The following FAM13B variants were observed in gnomAD, a reference collection of about 807,000 sequenced individuals.
The protein encoded by FAM13B is family with sequence similarity 13 member B, also known as protein FAM13B.
Under a neutral mutation model 117.3 loss-of-function variants are expected in FAM13B, and 60 were observed. That is an observed-to-expected ratio of 0.51 (90% CI 0.42 to 0.63). The LOEUF (loss-of-function observed/expected upper bound fraction) is 0.63, where lower values mean the gene tolerates loss of function less well. FAM13B is among the 30% of genes least tolerant of loss of function. FAM13B has a pLI of 0.00. For missense variants in FAM13B, 972 were observed against 1,091.9 expected (o/e 0.89, Z 1.55); for synonymous variants, 332 against 356.1 (o/e 0.93, Z 0.76).
chr5:137,944,248 C>A (rs1762769005), intron 20 of FAM13B, among the ~76,000 whole-genome samples: 1 of 152,096 alleles, frequency 6.6e-6, no homozygotes, highest in African/African-American at 2.4e-5. Flanking sequence ...GTTACCACAT[C>A]TTATTTACTC....
chr5:138,028,504 G>A (rs1389237319), intron 1 of FAM13B, among the ~76,000 whole-genome samples: 1 of 151,854 alleles, frequency 6.6e-6, no homozygotes, highest in African/African-American at 2.4e-5. Context: ...GAAAAAAAAA[G>A]GGAAGCTGGT....
Position 138,032,768 on chromosome 5 carries a change from GC to G in FAM13B, c.-203+13del. ...CGCGCATGCGCAGATCCGGGTACCC[GC>G]CCGTTTACCTACCGTTGGAACCGCG... On this transcript the variant is annotated intron_variant, in intron 1 of 23. Transcript: ENST00000689681. 1.0e-6 allele frequency: 1 copy of G among 985,668 alleles called. No individual in the cohort carries two copies. The highest frequency in any genetic ancestry group is 1.2e-6 in the Non-Finnish European group (1 of 829,976). The allele number at this position is 985,668 out of a possible 1,614,324, so 61.1% of individuals were successfully genotyped here.
In FAM13B at chr5:137,998,168, T is replaced by A. The variant is rs750052797; in HGVS notation, c.848+8822A>T. On this transcript the variant is annotated intron_variant, in intron 7 of 23. Coordinates refer to ENST00000689681, the MANE Select transcript of FAM13B (RefSeq NM_001385994.1). ...TTTTGACTGCTGCCTGATTCATGAA[T>A]CCTTTAATGCTCAAATAAACTTAAA... is the stretch of plus-strand genomic sequence containing the variant. Among the ~76,000 whole-genome samples, 4 of 152,240 alleles carry A rather than the reference T, an allele frequency of 2.6e-5. No individual in the cohort carries two copies. The South Asian group carries it at 8.3e-4, about 31-fold the overall frequency.
rs150756006 is a variant in FAM13B at position 138,049,962 on chromosome 5, C to A, written c.-203+1916G>T. ...GCAACAAAGTGAGCCCTTTTCTCTA[C>A]AAAATAAAATAAAATAAATTTAAAC... On this transcript the variant is annotated intron_variant, in intron 1 of 3. Coordinates refer to the FAM13B transcript ENST00000502471. Among the ~76,000 whole-genome samples the A allele has an allele frequency of 1.6e-3, 245 of 152,068 alleles. 1 individual carries two copies. The highest frequency in any genetic ancestry group is 3.1e-3 in the Non-Finnish European group (209 of 67,994).
chr5:137,995,152 G>A (rs537441164), intron 7 of FAM13B, among the ~76,000 whole-genome samples: 72 of 152,298 alleles, frequency 4.7e-4, no homozygotes, highest in African/African-American at 1.5e-3. Context: ...TTAGTGCTGA[G>A]TCCTACACAC....
In FAM13B at chr5:138,011,373, C is replaced by T. The variant is rs565186252; in HGVS notation, c.549-224G>A. Among the ~76,000 whole-genome samples the T allele has an allele frequency of 4.6e-5, 7 of 152,046 alleles. No individual in the cohort carries two copies. In the South Asian group the frequency reaches 1.5e-3, roughly 32 times the overall value. On this transcript the variant is annotated intron_variant, in intron 5 of 23. Coordinates refer to ENST00000689681, the MANE Select transcript of FAM13B (RefSeq NM_001385994.1). ...AAATAATTGTTCATCAAGCAACCTG[C>T]GATCCTTGGGAGACAATATAATGAT...
At chr5:137,990,790 A>G (rs935243126) in intron 7 of FAM13B, among the ~76,000 whole-genome samples, 1 of 151,818 alleles carries the variant, frequency 6.6e-6, no homozygotes, top group Non-Finnish European at 1.5e-5. Flanking sequence ...CCCCCATCTC[A>G]AAAAAAATAA....
chr5:138,031,965 T>C (rs1790180939), intron 1 of FAM13B, among the ~76,000 whole-genome samples: 2 of 152,246 alleles, frequency 1.3e-5, no homozygotes, highest in Non-Finnish European at 2.9e-5. Flanking sequence ...GTAATGATTC[T>C]GGCTACCATT....
chr5:137,942,609 T>G (rs2150115972), intron 22 of FAM13B: 1 of 379,756 alleles, frequency 2.6e-6, no homozygotes, highest in Non-Finnish European at 4.7e-6. Flanking sequence ...GGGATCCTCC[T>G]GCCTCAGCTT....
intron 10 of FAM13B, among the ~76,000 whole-genome samples, chr5:137,975,920 G>A (rs1340755483): frequency 6.6e-6 from 1 of 150,780 alleles, no homozygotes; most frequent in Non-Finnish European, 1.5e-5. Context: ...AAGCAGAAAT[G>A]GGGGACGGGA....
intron 7 of FAM13B, among the ~76,000 whole-genome samples, chr5:137,996,643 AG>A (rs1243458643): frequency 6.6e-6 from 1 of 151,708 alleles, no homozygotes; most frequent in Non-Finnish European, 1.5e-5. Context: ...CCCAGACTGG[AG>A]TGCAATGTGC....
At chr5:138,032,073 A>G (rs545086603) in intron 1 of FAM13B, among the ~76,000 whole-genome samples, 9 of 152,370 alleles carry the variant, frequency 5.9e-5, no homozygotes, top group African/African-American at 2.2e-4. Context: ...TCTTTCTAAA[A>G]GTCAGTTTGA....
rs940541368 is a variant in FAM13B at position 137,940,067 on chromosome 5, C to T, written c.*158G>A. ...GCTCCCTTGAGAGGGCCTACTTACTCTCCCATCATTTGTTTTGTTTAGTGG... is the reference window on the plus strand; with the variant it reads ...GCTCCCTTGAGAGGGCCTACTTACTTTCCCATCATTTGTTTTGTTTAGTGG... On this transcript the variant is annotated 3_prime_UTR_variant, in exon 24 of 24. Transcript: ENST00000689681. 13 of 1,614,058 alleles carry T rather than the reference C, an allele frequency of 8.1e-6. No homozygotes were observed. Among genetic ancestry groups the T allele is most frequent in the Non-Finnish European group, 1.1e-5 (13 of 1,179,964 alleles).
intron 10 of FAM13B, among the ~76,000 whole-genome samples, chr5:137,976,054 G>T (rs1389514438): frequency 7.0e-6 from 1 of 143,534 alleles, no homozygotes; most frequent in Non-Finnish European, 1.5e-5. Context: ...CCGCCTCCCG[G>T]GTTCATGCCA....
chr5:137,981,165 C>T (rs1775632494), intron 10 of FAM13B, among the ~76,000 whole-genome samples: 2 of 147,780 alleles, frequency 1.4e-5, no homozygotes, highest in Non-Finnish European at 3.0e-5. Context: ...TTCAAACTCC[C>T]AGGCTCAAAT....
At chr5:137,965,047 C>G (rs973042487) in intron 10 of FAM13B, among the ~76,000 whole-genome samples, 12 of 152,052 alleles carry the variant, frequency 7.9e-5, no homozygotes, top group Non-Finnish European at 1.6e-4. Flanking sequence ...CGCCTGTAAT[C>G]CCAGCTACTC....
intron 7 of FAM13B, among the ~76,000 whole-genome samples, chr5:138,001,493 A>G (rs1781250728): frequency 6.6e-6 from 1 of 152,234 alleles, no homozygotes; most frequent in South Asian, 2.1e-4. Flanking sequence ...TTGAACATTC[A>G]AGAAAATTCC....
At chr5:138,011,697 C>T (rs1784063379) in intron 5 of FAM13B, 71 bp downstream of exon 5, 8 of 1,106,030 alleles carry the variant, frequency 7.2e-6, no homozygotes, top group Admixed American at 4.6e-5. Flanking sequence ...GGATTACAGG[C>T]ATGAGCCACC....
Position 137,987,443 on chromosome 5 carries a change from C to T in FAM13B, c.1046+18G>A. 1 of 1,590,736 alleles carries T rather than the reference C, an allele frequency of 6.3e-7. No individual in the cohort carries two copies. Among genetic ancestry groups the T allele is most frequent in the Non-Finnish European group, 8.6e-7 (1 of 1,166,704 alleles). On this transcript the variant is annotated intron_variant, in intron 9 of 23. Coordinates refer to ENST00000689681, the MANE Select transcript of FAM13B (RefSeq NM_001385994.1). ...CAATTTTATAACATTTAATAAACAA[C>T]AGTAAAATGTTTCTTACTGGTTATT...
Sources: gnomAD v4.1 joint callset for allele counts (sites outside exome capture counted in the v4.1 genomes callset) on GRCh38, gnomAD v4.1.1 for gene constraint, MANE v1.5 for transcripts, NCBI Gene and HGNC (gene_info 2026-07-23, HGNC 2026-07-21) for gene names.